Variants in POU2F1 observed in about 807,000 individuals in gnomAD.
POU2F1 encodes POU domain, class 2, transcription factor 1.
Under a neutral mutation model 84.9 loss-of-function variants are expected in POU2F1, and 16 were observed. The ratio of observed to expected loss-of-function variants is 0.19; its 90% CI spans 0.13 to 0.29. POU2F1 has a LOEUF of 0.29. Ranked by LOEUF, POU2F1 falls within the 10% of genes least tolerant of loss-of-function variation. The probability of loss-of-function intolerance (pLI) is 1.00; values close to 1 mark genes in which losing one functional copy is unlikely to be tolerated. For missense variants in POU2F1, 738 were observed against 942.6 expected (o/e 0.78, Z 2.84); for synonymous variants, 368 against 368.3 (o/e 1.00, Z 0.01).
chr1:167,242,769 G>T (rs898251011), intron 1 of POU2F1, among the ~76,000 whole-genome samples: 2 of 152,138 alleles, frequency 1.3e-5, no homozygotes, highest in African/African-American at 4.8e-5. Context: ...GTAACTTACT[G>T]CCTTGCTATG....
intron 2 of POU2F1, among the ~76,000 whole-genome samples, chr1:167,363,374 GTC>G (rs1202375554): frequency 1.3e-5 from 2 of 152,148 alleles, no homozygotes; most frequent in Non-Finnish European, 2.9e-5. Context: ...ATGGTGAACA[GTC>G]TCTTTTTCCT....
chr1:167,390,562 A>G (rs543034094), intron 9 of POU2F1, among the ~76,000 whole-genome samples: 1 of 152,234 alleles, frequency 6.6e-6, no homozygotes, highest in African/African-American at 2.4e-5. Flanking sequence ...AGGTGGGAGG[A>G]TTGCTTGAGC....
intron 1 of POU2F1, chr1:167,329,122 C>G: frequency 7.5e-7 from 1 of 1,337,392 alleles, no homozygotes; most frequent in South Asian, 1.7e-5. Flanking sequence ...TTTGCTTTTC[C>G]CCTTAATCCA....
At chr1:167,309,711 C>A (rs923380993) in intron 1 of POU2F1, among the ~76,000 whole-genome samples, 4 of 151,948 alleles carry the variant, frequency 2.6e-5, no homozygotes, top group Non-Finnish European at 4.4e-5. Flanking sequence ...GATGGAAATT[C>A]TTTGAGATTT....
intron 1 of POU2F1, among the ~76,000 whole-genome samples, chr1:167,256,381 T>A (rs1297115558): frequency 1.4e-3 from 212 of 151,210 alleles, no homozygotes; most frequent in African/African-American, 4.5e-3. Context: ...TTTTTTTTTT[T>A]GCTGAGTTTG....
intron 13 of POU2F1, among the ~76,000 whole-genome samples, chr1:167,409,810 T>C (rs748334300): frequency 5.3e-5 from 8 of 152,196 alleles, no homozygotes; most frequent in Non-Finnish European, 8.8e-5. Context: ...AAATAGGCAA[T>C]TCAATTTCAG....
chr1:167,235,303 A>C (rs905465840), intron 1 of POU2F1, among the ~76,000 whole-genome samples: 1 of 152,204 alleles, frequency 6.6e-6, no homozygotes, highest in Non-Finnish European at 1.5e-5. Context: ...GTTTTGGCAG[A>C]CTGTTTTATA....
At chr1:167,315,710 G>A (rs1041758482) in intron 1 of POU2F1, among the ~76,000 whole-genome samples, 7 of 151,560 alleles carry the variant, frequency 4.6e-5, no homozygotes, top group South Asian at 4.2e-4. Context: ...AGGCTGAGGC[G>A]AGATGATCGA....
intron 1 of POU2F1, among the ~76,000 whole-genome samples, chr1:167,250,740 A>C (rs1249630965): frequency 6.6e-6 from 1 of 152,260 alleles, no homozygotes; most frequent in East Asian, 1.9e-4. Flanking sequence ...CAGAAGAAAC[A>C]TATAAGGGCC....
chr1:167,268,581 A>C (rs1247366707), intron 1 of POU2F1, among the ~76,000 whole-genome samples: 1 of 152,208 alleles, frequency 6.6e-6, no homozygotes, highest in Non-Finnish European at 1.5e-5. Context: ...TGTTGTCCAC[A>C]TGCCCTGCAC....
rs1300122386 is a variant in POU2F1, at chr1:167,424,206, A to G, written c.*8396A>G. ...CAGCCTGAATAGGTTTAAAACTGCA[A>G]ACAGTTGGAGAACATGGAACAGGTT... is the stretch of plus-strand genomic sequence containing the variant. On this transcript the variant is annotated 3_prime_UTR_variant, in exon 16 of 16. Coordinates refer to ENST00000367866, the MANE Select transcript of POU2F1 (RefSeq NM_002697.4). 1.3e-5 allele frequency: 2 copies of G among 152,246 alleles called. No homozygotes were observed. Among genetic ancestry groups the G allele is most frequent in the African/African-American group, 4.8e-5 (2 of 41,464 alleles). The allele number at this position is 152,246 out of a possible 1,614,324, so 9.4% of individuals were successfully genotyped here. A position where few individuals can be genotyped will look rare whatever the true frequency, so the allele number is the denominator to read the frequency against.
intron 2 of POU2F1, among the ~76,000 whole-genome samples, chr1:167,336,669 C>A (rs1657474848): frequency 6.6e-6 from 1 of 152,108 alleles, no homozygotes; most frequent in African/African-American, 2.4e-5. Flanking sequence ...ATTCATGAAG[C>A]CTTCACTGCA....
chr1:167,374,698 T>C (rs947436479), intron 6 of POU2F1, among the ~76,000 whole-genome samples: 7 of 152,256 alleles, frequency 4.6e-5, no homozygotes, highest in South Asian at 4.1e-4. Context: ...ATGGAGTGAT[T>C]AACATTATTG....
intron 1 of POU2F1, among the ~76,000 whole-genome samples, chr1:167,252,703 G>C (rs577482873): frequency 6.6e-6 from 1 of 152,262 alleles, no homozygotes; most frequent in Admixed American, 6.5e-5. Flanking sequence ...GTTCATAACT[G>C]TCCTACAGCA....
chr1:167,267,727 C>T (rs954852971), intron 1 of POU2F1, among the ~76,000 whole-genome samples: 7 of 138,212 alleles, frequency 5.1e-5, no homozygotes, highest in Admixed American at 8.3e-5. Context: ...CTGCAAGCTC[C>T]GCCTCCCAGG....
chr1:167,266,119 A>G (rs1393418554), intron 1 of POU2F1, among the ~76,000 whole-genome samples: 4 of 152,364 alleles, frequency 2.6e-5, no homozygotes, highest in East Asian at 1.9e-4. Flanking sequence ...TTGCATTTAT[A>G]TGATTCTGCC....
chr1:167,328,883 G>A (rs2101719861), intron 1 of POU2F1, among the ~76,000 whole-genome samples: 1 of 152,274 alleles, frequency 6.6e-6, no homozygotes, highest in East Asian at 1.9e-4. Context: ...CTGTGCTAAC[G>A]AGGAGAGATT....
chr1:167,300,528 G>A (rs193055425), intron 1 of POU2F1, among the ~76,000 whole-genome samples: 55 of 152,188 alleles, frequency 3.6e-4, no homozygotes, highest in African/African-American at 1.3e-3. Flanking sequence ...GTAGTGGCGC[G>A]ATCTCAGCTT....
At chr1:167,413,709 G>A (rs927181055) in intron 15 of POU2F1, among the ~76,000 whole-genome samples, 4 of 152,054 alleles carry the variant, frequency 2.6e-5, no homozygotes, top group African/African-American at 9.7e-5. Flanking sequence ...TTGCCTTTTA[G>A]CATGTTACCC....
Sources: gnomAD v4.1 joint callset for allele counts (sites outside exome capture counted in the v4.1 genomes callset) on GRCh38, gnomAD v4.1.1 for gene constraint, MANE v1.5 for transcripts, NCBI Gene and HGNC (gene_info 2026-07-23, HGNC 2026-07-21) for gene names.